Variants in MTF1 observed in about 807,000 individuals in gnomAD.
MTF1 encodes metal regulatory transcription factor 1, also known as MRE-binding transcription factor.
In MTF1, 22 loss-of-function variants were observed where a neutral mutation model predicts 70.4. The observed-to-expected ratio is 0.31, with a 90% CI of 0.22 to 0.45. MTF1 has a LOEUF of 0.45. MTF1 is among the 20% of genes least tolerant of loss of function. The pLI is 1.00. For synonymous variants in MTF1, 333 were observed against 352.8 expected (o/e 0.94, Z 0.63); for missense variants, 649 against 922.0 (o/e 0.70, Z 3.83).
intron 7 of MTF1, among the ~76,000 whole-genome samples, chr1:37,830,311 T>G (rs1641067814): frequency 6.6e-6 from 1 of 152,240 alleles, no homozygotes; most frequent in South Asian, 2.1e-4. Context: ...AACTGATTCT[T>G]TCTTCTGTCA....
chr1:37,822,192 C>A lies in MTF1; in HGVS notation c.1696G>T (p.Val566Phe). Residue 566 changes from valine (V) to phenylalanine (F), a missense_variant, in exon 9 of 11, where the codon GTC (valine) becomes TTC (phenylalanine). Around this residue, in one of 7 missense-constraint regions of MTF1, gnomAD observed 39 missense variants for 97.8 expected, o/e 0.40. Coordinates refer to ENST00000373036, the MANE Select transcript of MTF1 (RefSeq NM_005955.3). The part of the protein sequence containing the change: ...PNTAILQSSL[V>F]MGEQNLQWIL... Reference sequence around the variant, plus strand: ...CATTGTAAGTTCTGTTCTCCCATGACTAGGCTGGACTGCAGGATAGCTGTG... The same window carrying A: ...CATTGTAAGTTCTGTTCTCCCATGAATAGGCTGGACTGCAGGATAGCTGTG... 2 of 1,613,968 alleles carry A rather than the reference C, an allele frequency of 1.2e-6. No individual in the cohort carries two copies. Among genetic ancestry groups the A allele is most frequent in the Non-Finnish European group, 1.7e-6 (2 of 1,179,938 alleles).
intron 7 of MTF1, among the ~76,000 whole-genome samples, chr1:37,828,969 C>T (rs1417950766): frequency 1.3e-5 from 2 of 152,200 alleles, no homozygotes; most frequent in Non-Finnish European, 2.9e-5. Flanking sequence ...AGGCCATTCC[C>T]TAGCACCTTC....
intron 2 of MTF1, among the ~76,000 whole-genome samples, chr1:37,843,075 G>A (rs1449373173): frequency 6.6e-6 from 1 of 152,176 alleles, no homozygotes; most frequent in African/African-American, 2.4e-5. Flanking sequence ...AGAGTGCAGT[G>A]GTGTATTCAC....
Position 37,835,008 on chromosome 1 carries a change from TTTGA to T in MTF1, c.990+67_990+70del, listed in dbSNP as rs1188900244. 8 of 1,524,368 alleles carry T rather than the reference TTTGA, an allele frequency of 5.2e-6. No individual in the cohort carries two copies. The East Asian group carries it at 1.8e-4, about 34-fold the overall frequency. The allele number at this position is 1,524,368 out of a possible 1,614,324, so 94.4% of individuals were successfully genotyped here. A position where few individuals can be genotyped will look rare whatever the true frequency, so the allele number is the denominator to read the frequency against. ...GATATACAGAGAAGACATTTTAACC[TTTGA>T]TTGTGATACACAAACAACTGTTGAA... On this transcript the variant is annotated intron_variant, in intron 6 of 10. Transcript: ENST00000373036.
Position 37,827,642 on chromosome 1 carries a change from G to A in MTF1, c.1069-3830C>T, listed in dbSNP as rs367905420. Among the ~76,000 whole-genome samples, 86 of 152,190 alleles carry A rather than the reference G, an allele frequency of 5.7e-4. 2 individuals carry two copies. Among genetic ancestry groups the A allele is most frequent in the African/African-American group, 3.4e-4 (14 of 41,534 alleles). ...CTCCCAAAGTGCTGGGATTACAGGC[G>A]TGATCCACCCTCCTCGGCCTCCCAA... On this transcript the variant is annotated intron_variant, in intron 7 of 10. Coordinates refer to ENST00000373036, the MANE Select transcript of MTF1 (RefSeq NM_005955.3).
intron 9 of MTF1, among the ~76,000 whole-genome samples, chr1:37,818,222 T>C (rs1438201922): frequency 6.6e-6 from 1 of 152,050 alleles, no homozygotes; most frequent in Non-Finnish European, 1.5e-5. Context: ...GACTGGGTCA[T>C]GAATGAATTA....
chr1:37,830,899 T>C (rs1641076741), intron 7 of MTF1, among the ~76,000 whole-genome samples: 1 of 152,326 alleles, frequency 6.6e-6, no homozygotes, highest in Admixed American at 6.5e-5. Context: ...TCCCCCTTAG[T>C]GACTCTTTCC....
intron 9 of MTF1, among the ~76,000 whole-genome samples, chr1:37,820,329 C>T (rs1640892017): frequency 6.6e-6 from 1 of 152,238 alleles, no homozygotes; most frequent in Non-Finnish European, 1.5e-5. Context: ...CTGACCTGAC[C>T]TGTATGGCCA....
intron 5 of MTF1, 40 bp from the exon 6 acceptor site, chr1:37,835,255 C>A: frequency 6.4e-7 from 1 of 1,573,614 alleles, no homozygotes; most frequent in South Asian, 1.1e-5. Context: ...ACCATAAAGT[C>A]ATTTCACTGG....
At chr1:37,834,363 T>G (rs1641131496) in intron 6 of MTF1, among the ~76,000 whole-genome samples, 1 of 124,264 alleles carries the variant, frequency 8.0e-6, no homozygotes, top group Admixed American at 1.0e-4. Context: ...GTGGGGTGGC[T>G]CATGCCTGTA....
intron 9 of MTF1, among the ~76,000 whole-genome samples, chr1:37,819,951 C>CAAAAAAA (rs766621404): frequency 7.4e-4 from 61 of 82,668 alleles, no homozygotes; most frequent in East Asian, 1.1e-3. Flanking sequence ...GACTCTGACT[C>CAAAAAAA]AAAAAAAAAA....
intron 3 of MTF1, among the ~76,000 whole-genome samples, chr1:37,839,392 T>C (rs1411233395): frequency 6.6e-6 from 1 of 152,178 alleles, no homozygotes; most frequent in African/African-American, 2.4e-5. Flanking sequence ...CTTGGAATCA[T>C]GCCTAGCACA....
intron 2 of MTF1, among the ~76,000 whole-genome samples, chr1:37,848,498 T>C (rs1446962240): frequency 6.6e-6 from 1 of 152,180 alleles, no homozygotes. Context: ...AAAAATAAAA[T>C]TCAGGTTCTT....
At chr1:37,817,289 A>G (rs1242405889) in intron 10 of MTF1, 130 bp downstream of exon 10, 3 of 709,480 alleles carry the variant, frequency 4.2e-6, no homozygotes, top group African/African-American at 1.8e-5. Flanking sequence ...CAACAATACA[A>G]TGTGAAGAAT....
At chr1:37,831,716 T>C (rs1641090247) in intron 7 of MTF1, among the ~76,000 whole-genome samples, 1 of 152,088 alleles carries the variant, frequency 6.6e-6, no homozygotes, top group African/African-American at 2.4e-5. Flanking sequence ...GGCCTCTATA[T>C]GTGTAAGAGG....
intron 2 of MTF1, among the ~76,000 whole-genome samples, chr1:37,846,479 G>T (rs1340079278): frequency 6.6e-6 from 1 of 151,776 alleles, no homozygotes; most frequent in East Asian, 1.9e-4. Context: ...TCAAACAGCT[G>T]TCGATTACCC....
At chr1:37,836,796 A>T (rs913919523) in intron 4 of MTF1, among the ~76,000 whole-genome samples, 2 of 152,224 alleles carry the variant, frequency 1.3e-5, no homozygotes, top group African/African-American at 2.4e-5. Flanking sequence ...AGCTTCTCTA[A>T]AGCATTTTCA....
chr1:37,824,431 C>T (rs34888157), intron 7 of MTF1, among the ~76,000 whole-genome samples: 31,499 of 152,186 alleles, frequency 0.21, 4,113 homozygotes, highest in Non-Finnish European at 0.28. Flanking sequence ...GGTGTGGTGG[C>T]TTATGCCTGT....
intron 7 of MTF1, among the ~76,000 whole-genome samples, chr1:37,827,710 T>C (rs568865659): frequency 6.6e-6 from 1 of 152,288 alleles, no homozygotes; most frequent in East Asian, 1.9e-4. Context: ...CCAGCCATAG[T>C]TATTACTTTT....
Sources: allele counts gnomAD v4.1 joint callset (sites outside exome capture counted in the v4.1 genomes callset), GRCh38; gene constraint gnomAD v4.1.1; regional missense constraint gnomAD v4.1.1; transcripts MANE v1.5; gene names NCBI Gene and HGNC (gene_info 2026-07-23, HGNC 2026-07-21).